MYOM2: variants seen among roughly 807,000 people sequenced by gnomAD.
MYOM2 encodes myomesin-2.
MYOM2 carries 254 observed loss-of-function variants against 187.6 expected under a neutral mutation model. The observed-to-expected ratio is 1.35, with a 90% CI of 1.22 to 1.50. The LOEUF (loss-of-function observed/expected upper bound fraction) is 1.50, where lower values mean the gene tolerates loss of function less well. MYOM2 is among the 40% of genes most tolerant of loss of function. MYOM2 has a pLI of 0.00. For missense variants in MYOM2, 2,796 were observed against 1,924.0 expected (o/e 1.45, Z -8.48); for synonymous variants, 981 against 753.8 (o/e 1.30, Z -4.94).
intron 8 of MYOM2, among the ~76,000 whole-genome samples, chr8:2,071,248 G>A (rs1186123295): frequency 6.6e-6 from 1 of 151,878 alleles, no homozygotes; most frequent in Non-Finnish European, 1.5e-5. Flanking sequence ...TCCCACCTTG[G>A]CCTCCCAAAG....
chr8:2,093,176 A>G (rs1185889689), intron 16 of MYOM2, among the ~76,000 whole-genome samples: 1 of 152,194 alleles, frequency 6.6e-6, no homozygotes, highest in East Asian at 1.9e-4. Flanking sequence ...TTCTCCTTTT[A>G]AAATCTGAAA....
At chr8:2,115,858 A>C in intron 25 of MYOM2, 102 bp from the exon 26 acceptor site, 1 of 1,315,626 alleles carries the variant, frequency 7.6e-7, no homozygotes, top group Non-Finnish European at 1.0e-6. Context: ...TCCTATCATA[A>C]TCCCTTGAGA....
At chr8:2,096,848 T>C (rs75736580) in intron 18 of MYOM2, among the ~76,000 whole-genome samples, 5,957 of 152,242 alleles carry the variant, frequency 0.039, 353 homozygotes, top group African/African-American at 0.13. Flanking sequence ...TCACCCACCA[T>C]TTCCCTGAGA....
At chr8:2,048,281 T>A (rs1039442330) in intron 1 of MYOM2, among the ~76,000 whole-genome samples, 12 of 152,234 alleles carry the variant, frequency 7.9e-5, no homozygotes, top group Non-Finnish European at 1.3e-4. Flanking sequence ...GGATGGAAGC[T>A]GAAACGTCTT....
chr8:2,053,769 C>T (rs1488569703), intron 3 of MYOM2, among the ~76,000 whole-genome samples: 2 of 152,174 alleles, frequency 1.3e-5, no homozygotes, highest in Admixed American at 6.5e-5. Flanking sequence ...AGACGGGGGA[C>T]GAAGGCTAGG....
chr8:2,104,076 C>T (rs59350173), intron 21 of MYOM2, among the ~76,000 whole-genome samples: 13,475 of 152,184 alleles, frequency 0.089, 717 homozygotes, highest in South Asian at 0.15. Flanking sequence ...GGTTGTTCTT[C>T]GAATCGTCAA....
At chr8:2,049,256 G>T (rs1362924095) in intron 1 of MYOM2, among the ~76,000 whole-genome samples, 5 of 152,150 alleles carry the variant, frequency 3.3e-5, no homozygotes, top group African/African-American at 1.2e-4. Flanking sequence ...AGTGTGAAAG[G>T]CCCAGAATAA....
intron 9 of MYOM2, 145 bp from the exon 10 acceptor site, chr8:2,073,194 G>C (rs988435140): frequency 1.2e-6 from 1 of 863,488 alleles, no homozygotes; most frequent in Non-Finnish European, 1.7e-6. Context: ...CAGCTGTTGG[G>C]ATTTTACCAG....
intron 23 of MYOM2, among the ~76,000 whole-genome samples, chr8:2,107,228 C>A (rs773353376): frequency 2.0e-5 from 3 of 152,134 alleles, no homozygotes; most frequent in Admixed American, 1.3e-4. Context: ...TCATCTACCC[C>A]ACCCACAGGA....
intron 6 of MYOM2, among the ~76,000 whole-genome samples, chr8:2,067,451 TTGA>T (rs1050092945): frequency 2.6e-5 from 4 of 152,300 alleles, no homozygotes; most frequent in Admixed American, 2.6e-4. Flanking sequence ...CCTTACTGTG[TTGA>T]TTGCTCACCA....
chr8:2,140,010 C>T (rs1445852542), intron 32 of MYOM2, among the ~76,000 whole-genome samples: 1 of 152,112 alleles, frequency 6.6e-6, no homozygotes, highest in South Asian at 2.1e-4. Context: ...GCACCACCAC[C>T]ACCCAGGACC....
In MYOM2 at chr8:2,085,308, A is replaced by C; in HGVS notation, c.1562A>C (p.Glu521Ala). The change falls in exon 14 of 37, where the codon GAG becomes GCG. Residue 521 changes from glutamate (E) to alanine (A), a missense_variant. Physicochemically the swap from Glu to Ala is moderately radical, Grantham distance 107. Coordinates refer to ENST00000262113, the MANE Select transcript of MYOM2 (RefSeq NM_003970.4). ...CCTCCCACCGGTGTGCACGCTTCCG[A>C]GATCAGCAGAAACTATGTCGTCCTC... Reference protein sequence around the residue: ...PGPPTGVHASEISRNYVVLSW... With the variant: ...PGPPTGVHASAISRNYVVLSW... 6.2e-7 allele frequency: 1 copy of C among 1,614,070 alleles called. No homozygotes were observed. Among genetic ancestry groups the C allele is most frequent in the Non-Finnish European group, 8.5e-7 (1 of 1,179,990 alleles).
chr8:2,070,390 C>G (rs146019846), intron 8 of MYOM2, among the ~76,000 whole-genome samples: 4 of 152,184 alleles, frequency 2.6e-5, no homozygotes, highest in African/African-American at 9.7e-5. Flanking sequence ...CCTCTGCTCG[C>G]GATTTCTGTG....
At chr8:2,091,495 C>T (rs1057280534) in intron 15 of MYOM2, among the ~76,000 whole-genome samples, 1 of 152,190 alleles carries the variant, frequency 6.6e-6, no homozygotes, top group African/African-American at 2.4e-5. Flanking sequence ...CCCTGGAAAT[C>T]CCCAGAAGCC....
intron 14 of MYOM2, among the ~76,000 whole-genome samples, chr8:2,087,888 G>C (rs1323523613): frequency 1.3e-5 from 2 of 152,150 alleles, no homozygotes; most frequent in African/African-American, 4.8e-5. Context: ...CCAAAGTGCT[G>C]GGATTACAGA....
chr8:2,083,651 G>A (rs1819711746), intron 13 of MYOM2, among the ~76,000 whole-genome samples: 1 of 152,168 alleles, frequency 6.6e-6, no homozygotes, highest in South Asian at 2.1e-4. Flanking sequence ...TCTCAGGGCA[G>A]GGTCATCACT....
chr8:2,059,386 G>A (rs1818778245), intron 6 of MYOM2, 141 bp downstream of exon 6: 1 of 651,684 alleles, frequency 1.5e-6, no homozygotes, highest in Admixed American at 2.9e-5. Flanking sequence ...GCATTTATGA[G>A]TTAATGGTAC....
chr8:2,051,919 A>G (rs1818502773), intron 2 of MYOM2, among the ~76,000 whole-genome samples: 1 of 152,216 alleles, frequency 6.6e-6, no homozygotes, highest in Non-Finnish European at 1.5e-5. Context: ...GCATTTATGC[A>G]TTTATTTGCA....
intron 2 of MYOM2, 68 bp from the exon 3 acceptor site, chr8:2,052,090 G>A (rs1349101602): frequency 1.3e-6 from 2 of 1,592,206 alleles, no homozygotes; most frequent in Non-Finnish European, 1.7e-6. Context: ...AGAAAGTGAT[G>A]TGTGTCAGGA....
Sources: gnomAD v4.1 joint callset for allele counts (sites outside exome capture counted in the v4.1 genomes callset) on GRCh38, gnomAD v4.1.1 for gene constraint, MANE v1.5 for transcripts, NCBI Gene and HGNC (gene_info 2026-07-23, HGNC 2026-07-21) for gene names.